The following GALNT13 variants were observed in gnomAD, a reference collection of about 807,000 sequenced individuals.
The protein encoded by GALNT13 is polypeptide N-acetylgalactosaminyltransferase 13.
A neutral mutation model predicts 64.2 loss-of-function variants in GALNT13; 28 were observed. That is an observed-to-expected ratio of 0.44 (90% CI 0.32 to 0.60). The LOEUF is 0.60. Among genes scored for constraint, GALNT13 ranks in the 20% least tolerant of loss-of-function variants. GALNT13 has a pLI of 0.05. For missense variants in GALNT13, 577 were observed against 669.8 expected (o/e 0.86, Z 1.53); for synonymous variants, 214 against 224.6 (o/e 0.95, Z 0.42).
the GALNT13 span, among the ~76,000 whole-genome samples, chr2:153,629,744 C>T: frequency 6.6e-6 from 1 of 150,652 alleles, no homozygotes; most frequent in African/African-American, 2.5e-5. Flanking sequence ...TCGCAACCTA[C>T]TCATCTGACA....
intron 2 of GALNT13, among the ~76,000 whole-genome samples, chr2:153,940,108 T>C (rs1691231223): frequency 2.0e-5 from 3 of 152,194 alleles, no homozygotes; most frequent in Admixed American, 6.6e-5. Context: ...ATTGCTTCTC[T>C]TCTACCATCT....
chr2:153,301,127 TTGAGGC>T, the GALNT13 span, among the ~76,000 whole-genome samples: 1 of 151,546 alleles, frequency 6.6e-6, no homozygotes, highest in Non-Finnish European at 1.5e-5. Flanking sequence ...GCCCAGGAGG[TTGAGGC>T]TGGAGTGAGC....
At chr2:154,095,058 C>G (rs896431390) in intron 3 of GALNT13, among the ~76,000 whole-genome samples, 1 of 151,860 alleles carries the variant, frequency 6.6e-6, no homozygotes, top group Non-Finnish European at 1.5e-5. Flanking sequence ...GGAAGATATT[C>G]TGTCTTTATC....
At chr2:154,053,188 G>T (rs1699731006) in intron 3 of GALNT13, among the ~76,000 whole-genome samples, 1 of 152,102 alleles carries the variant, frequency 6.6e-6, no homozygotes, top group Admixed American at 6.5e-5. Flanking sequence ...TAATAAGAAA[G>T]AACACTGAAC....
At chr2:154,174,225 C>T (rs979318520) in intron 4 of GALNT13, among the ~76,000 whole-genome samples, 2 of 152,146 alleles carry the variant, frequency 1.3e-5, no homozygotes, top group Non-Finnish European at 2.9e-5. Flanking sequence ...GTGGATTTAG[C>T]TAGACTACCT....
chr2:154,325,026 C>T (rs1234117300), intron 9 of GALNT13, among the ~76,000 whole-genome samples: 1 of 152,022 alleles, frequency 6.6e-6, no homozygotes, highest in Non-Finnish European at 1.5e-5. Context: ...CTTCCCTGAG[C>T]TCTGCATGCA....
At chr2:154,100,202 G>T (rs1047397212) in intron 3 of GALNT13, among the ~76,000 whole-genome samples, 3 of 151,810 alleles carry the variant, frequency 2.0e-5, no homozygotes, top group African/African-American at 7.3e-5. Flanking sequence ...CACATTTTTG[G>T]TTCCATATGA....
the GALNT13 span, among the ~76,000 whole-genome samples, chr2:153,460,416 T>A: frequency 6.6e-6 from 1 of 152,232 alleles, no homozygotes; most frequent in East Asian, 1.9e-4. Flanking sequence ...ATTCGTTCAG[T>A]TTATTCAGTC....
chr2:153,861,073 G>C, the GALNT13 span, among the ~76,000 whole-genome samples: 124,964 of 152,128 alleles, frequency 0.82, 52,573 homozygotes, highest in Non-Finnish European at 0.9. Flanking sequence ...GAGCATGAAA[G>C]CTTCCTGGAT....
At position 154,266,757 on chromosome 2, in the gene GALNT13, G is replaced by C. The variant is rs1024227545; in HGVS notation, c.975+7619G>C. On this transcript the variant is annotated intron_variant, in intron 8 of 12. Coordinates refer to ENST00000392825, the MANE Select transcript of GALNT13 (RefSeq NM_052917.4). ...TATTGCATATCAATATAGATTCAATGCAATAGTTAAGTGTATTGTATTTAC... is the reference window on the plus strand; with the variant it reads ...TATTGCATATCAATATAGATTCAATCCAATAGTTAAGTGTATTGTATTTAC... Among the ~76,000 whole-genome samples the C allele has an allele frequency of 3.4e-4, 51 of 151,312 alleles. 1 individual carries two copies. Among genetic ancestry groups the C allele is most frequent in the Admixed American group, 1.3e-4 (2 of 15,190 alleles).
At chr2:154,360,234 T>G (rs1048689103) in intron 9 of GALNT13, among the ~76,000 whole-genome samples, 1 of 152,202 alleles carries the variant, frequency 6.6e-6, no homozygotes, top group Non-Finnish European at 1.5e-5. Flanking sequence ...GATGGATAGC[T>G]TTTGTTAAAG....
chr2:154,372,256 AT>A (rs1275067738), intron 9 of GALNT13, among the ~76,000 whole-genome samples: 2 of 152,104 alleles, frequency 1.3e-5, no homozygotes, highest in African/African-American at 4.8e-5. Context: ...CTATTTTGAA[AT>A]TCGTCTAGTT....
the GALNT13 span, among the ~76,000 whole-genome samples, chr2:153,213,202 T>A: frequency 6.6e-6 from 1 of 152,132 alleles, no homozygotes; most frequent in Non-Finnish European, 1.5e-5. Flanking sequence ...TTTGCATTGG[T>A]TCAGTTTCCT....
chr2:153,344,048 T>C, the GALNT13 span, among the ~76,000 whole-genome samples: 2 of 152,218 alleles, frequency 1.3e-5, no homozygotes. Flanking sequence ...ATGTCTATAC[T>C]ATAATTTCTT....
chr2:153,737,782 C>T, the GALNT13 span, among the ~76,000 whole-genome samples: 1 of 151,938 alleles, frequency 6.6e-6, no homozygotes, highest in Non-Finnish European at 1.5e-5. Flanking sequence ...AGTTTCCTCA[C>T]CTGTAAAATA....
the GALNT13 span, among the ~76,000 whole-genome samples, chr2:153,710,232 G>A: frequency 4.6e-5 from 7 of 151,866 alleles, no homozygotes; most frequent in African/African-American, 1.2e-4. Context: ...ACATAACTTC[G>A]TACCTAAGAA....
At chr2:153,850,014 A>G in the GALNT13 span, among the ~76,000 whole-genome samples, 1 of 148,336 alleles carries the variant, frequency 6.7e-6, no homozygotes, top group Admixed American at 6.7e-5. Context: ...ACAAAAAAAA[A>G]AAAAAAAAAA....
At chr2:153,736,605 G>C in the GALNT13 span, among the ~76,000 whole-genome samples, 7 of 152,134 alleles carry the variant, frequency 4.6e-5, no homozygotes, top group East Asian at 1.4e-3. Context: ...ATTTTCGTAC[G>C]TATTTCTCTA....
the GALNT13 span, among the ~76,000 whole-genome samples, chr2:153,346,075 G>T: frequency 6.6e-6 from 1 of 151,968 alleles, no homozygotes; most frequent in African/African-American, 2.4e-5. Context: ...CCCCAAGCCA[G>T]GCTAATTTTT....
Sources: gnomAD v4.1 joint callset for allele counts (sites outside exome capture counted in the v4.1 genomes callset) on GRCh38, gnomAD v4.1.1 for gene constraint, MANE v1.5 for transcripts, NCBI Gene and HGNC (gene_info 2026-07-23, HGNC 2026-07-21) for gene names.